CDH18: variants seen among roughly 807,000 people sequenced by gnomAD.
CDH18 encodes cadherin-18.
Under a neutral mutation model 67.9 loss-of-function variants are expected in CDH18, and 31 were observed. The observed-to-expected ratio is 0.46, with a 90% confidence interval of 0.34 to 0.62. The LOEUF (loss-of-function observed/expected upper bound fraction) is 0.62. CDH18 is among the 20% of genes least tolerant of loss of function. The probability of loss-of-function intolerance (pLI) is 0.01; values close to 1 mark genes in which losing one functional copy is unlikely to be tolerated. For missense variants in CDH18, 890 were observed against 975.5 expected (o/e 0.91, Z 1.17); for synonymous variants, 362 against 347.2 (o/e 1.04, Z -0.48).
At chr5:19,986,160 T>A (rs1359533374) in intron 1 of CDH18, among the ~76,000 whole-genome samples, 2 of 152,224 alleles carry the variant, frequency 1.3e-5, no homozygotes, top group East Asian at 3.9e-4. Flanking sequence ...AAATGACTCA[T>A]ATATTCTCAC....
intron 2 of CDH18, among the ~76,000 whole-genome samples, chr5:20,206,300 A>C (rs1739883368): frequency 6.6e-6 from 1 of 151,876 alleles, no homozygotes; most frequent in Admixed American, 6.6e-5. Flanking sequence ...GAAACAGAAA[A>C]CCTTAACAAA....
chr5:19,490,750 A>G (rs6889639), intron 11 of CDH18, among the ~76,000 whole-genome samples: 53,662 of 151,682 alleles, frequency 0.35, 9,838 homozygotes, highest in African/African-American at 0.44. Flanking sequence ...TTCTACTTCT[A>G]TTTTTTTGCT....
intron 2 of CDH18, among the ~76,000 whole-genome samples, chr5:19,965,947 G>C (rs1465670685): frequency 6.6e-6 from 1 of 152,054 alleles, no homozygotes; most frequent in South Asian, 2.1e-4. Flanking sequence ...CACACAATTT[G>C]CTTTTCTTTT....
At chr5:20,102,044 C>G (rs1224338428) in intron 2 of CDH18, among the ~76,000 whole-genome samples, 1 of 152,104 alleles carries the variant, frequency 6.6e-6, no homozygotes, top group South Asian at 2.1e-4. Context: ...GTACTCCAGC[C>G]TGGGGGACAG....
At chr5:20,192,754 C>T (rs544605508) in intron 2 of CDH18, among the ~76,000 whole-genome samples, 1 of 152,020 alleles carries the variant, frequency 6.6e-6, no homozygotes, top group South Asian at 2.1e-4. Context: ...GTTACAGTAG[C>T]CTTGTAGTAT....
intron 2 of CDH18, among the ~76,000 whole-genome samples, chr5:20,217,665 T>G (rs1316995922): frequency 6.6e-6 from 1 of 151,790 alleles, no homozygotes; most frequent in African/African-American, 2.4e-5. Context: ...GAGTAAGTCT[T>G]TAATTATTAT....
chr5:19,960,582 T>TATATATTATATATGTATATATATACAC (rs1561635396), intron 2 of CDH18, among the ~76,000 whole-genome samples: 1 of 119,566 alleles, frequency 8.4e-6, no homozygotes, highest in African/African-American at 5.6e-5. Context: ...TGTGTGTGTG[T>TATATATTATATATGTATATATATACAC]GTGTGTGTAT....
intron 7 of CDH18, among the ~76,000 whole-genome samples, chr5:19,573,284 CT>C (rs538332321): frequency 0.015 from 2,255 of 145,564 alleles, 22 homozygotes; most frequent in African/African-American, 0.028. Flanking sequence ...GTTGCATACT[CT>C]TTTTTTTTTT....
intron 8 of CDH18, among the ~76,000 whole-genome samples, chr5:19,557,639 A>G (rs2127186187): frequency 6.6e-6 from 1 of 152,236 alleles, no homozygotes; most frequent in South Asian, 2.1e-4. Context: ...TTTGTTAAAT[A>G]TAAAACAGTT....
chr5:19,800,146 C>T (rs1438179906), intron 3 of CDH18, among the ~76,000 whole-genome samples: 1 of 152,070 alleles, frequency 6.6e-6, no homozygotes, highest in Non-Finnish European at 1.5e-5. Context: ...CTTAAAAACA[C>T]TATTGAAAGG....
At chr5:20,474,408 A>T (rs571546301) in intron 1 of CDH18, among the ~76,000 whole-genome samples, 1 of 152,270 alleles carries the variant, frequency 6.6e-6, no homozygotes, top group East Asian at 1.9e-4. Context: ...TAGCTTACTA[A>T]GTTCCCAGAA....
intron 2 of CDH18, among the ~76,000 whole-genome samples, chr5:19,903,948 A>C (rs1790237450): frequency 6.6e-6 from 1 of 152,060 alleles, no homozygotes; most frequent in African/African-American, 2.4e-5. Context: ...AGATCTATCC[A>C]ATAAAGCCAC....
At chr5:20,305,650 G>A (rs554124391) in intron 1 of CDH18, 184 of 425,664 alleles carry the variant, frequency 4.3e-4, no homozygotes, top group African/African-American at 3.3e-3. Context: ...TCCGGGGGGT[G>A]GGGGGAGCGG....
rs180728534 is a variant in CDH18 at position 20,567,941 on chromosome 5, A to T, written c.-580+7521T>A. ...CAAATTTTTCTTGGATGCTTAAATG[A>T]AGGTTAGGAAGAAGATAGTTTAGAT... is the stretch of plus-strand genomic sequence containing the variant. On this transcript the variant is annotated intron_variant, in intron 1 of 14. Coordinates refer to the CDH18 transcript ENST00000507958. Among the ~76,000 whole-genome samples the T allele has an allele frequency of 2.9e-3, 436 of 152,292 alleles. 6 individuals carry two copies. Among genetic ancestry groups the T allele is most frequent in the Non-Finnish European group, 2.0e-3 (137 of 68,022 alleles).
At chr5:19,646,532 G>A (rs1256008598) in intron 5 of CDH18, among the ~76,000 whole-genome samples, 1 of 152,040 alleles carries the variant, frequency 6.6e-6, no homozygotes, top group African/African-American at 2.4e-5. Flanking sequence ...CAGAGATGGG[G>A]TTTCACCATA....
chr5:19,704,372 G>T (rs564027546), intron 5 of CDH18, among the ~76,000 whole-genome samples: 117 of 152,176 alleles, frequency 7.7e-4, no homozygotes, highest in African/African-American at 2.6e-3. Context: ...TGGACAACCT[G>T]GGACTATTCA....
intron 1 of CDH18, among the ~76,000 whole-genome samples, chr5:20,567,323 T>C (rs562373427): frequency 6.6e-6 from 1 of 152,330 alleles, no homozygotes; most frequent in South Asian, 2.1e-4. Flanking sequence ...ATTTACACTC[T>C]CTGTGTTGAA....
intron 1 of CDH18, among the ~76,000 whole-genome samples, chr5:20,350,542 T>G (rs527283937): frequency 3.3e-5 from 5 of 152,278 alleles, no homozygotes; most frequent in Admixed American, 1.3e-4. Context: ...CATCCCCAGC[T>G]TGCCAATATA....
intron 3 of CDH18, among the ~76,000 whole-genome samples, chr5:19,748,134 G>GAAAAAAAAA (rs1554022366): frequency 3.0e-5 from 2 of 67,136 alleles, no homozygotes; most frequent in Non-Finnish European, 5.1e-5. Flanking sequence ...AAAAAAAAAA[G>GAAAAAAAAA]AGTACTTTTT....
Sources: allele counts gnomAD v4.1 joint callset (sites outside exome capture counted in the v4.1 genomes callset), GRCh38; gene constraint gnomAD v4.1.1; transcripts MANE v1.5; gene names NCBI Gene and HGNC (gene_info 2026-07-23, HGNC 2026-07-21).